LARGE1: variants seen among roughly 807,000 people sequenced by gnomAD.
LARGE1 encodes the protein LARGE xylosyl- and glucuronyltransferase 1.
A neutral mutation model predicts 87.6 loss-of-function variants in LARGE1; 43 were observed. The observed-to-expected ratio is 0.49, with a 90% CI of 0.38 to 0.63. The LOEUF (loss-of-function observed/expected upper bound fraction) is 0.63, where lower values mean the gene tolerates loss of function less well. Ranked by LOEUF, LARGE1 falls within the 30% of genes least tolerant of loss-of-function variation. The pLI, the probability that LARGE1 is intolerant of heterozygous loss-of-function variation, is 0.00. For missense variants in LARGE1, 802 were observed against 1,000.2 expected (o/e 0.80, Z 2.67); for synonymous variants, 434 against 394.6 (o/e 1.10, Z -1.18).
At chr22:33,543,931 A>T (rs1255947100) in intron 6 of LARGE1, among the ~76,000 whole-genome samples, 3 of 152,188 alleles carry the variant, frequency 2.0e-5, no homozygotes, top group Non-Finnish European at 4.4e-5. Context: ...ACTGTGTCTA[A>T]ACTGTGCAAA....
intron 11 of LARGE1, among the ~76,000 whole-genome samples, chr22:33,219,123 T>C (rs75935088): frequency 0.023 from 3,431 of 152,284 alleles, 132 homozygotes; most frequent in African/African-American, 0.077. Flanking sequence ...GAAACAAATG[T>C]ATTGAGGCAC....
At chr22:33,729,939 A>G (rs2083400550) in intron 2 of LARGE1, among the ~76,000 whole-genome samples, 1 of 152,160 alleles carries the variant, frequency 6.6e-6, no homozygotes, top group South Asian at 2.1e-4. Flanking sequence ...TATGGAAATG[A>G]CAGAAGTCCC....
intron 2 of LARGE1, among the ~76,000 whole-genome samples, chr22:33,729,216 G>T (rs2083377766): frequency 6.6e-6 from 1 of 152,094 alleles, no homozygotes; most frequent in African/African-American, 2.4e-5. Flanking sequence ...TAAGCAAAAG[G>T]CAATATGCAA....
rs75835509 is a variant in LARGE1, at chr22:33,478,784, G to C, written c.788-46519C>G. Among the ~76,000 whole-genome samples, 729 of 152,202 alleles carry C rather than the reference G, an allele frequency of 4.8e-3. 10 individuals carry two copies. Among genetic ancestry groups the C allele is most frequent in the African/African-American group, 0.017 (697 of 41,530 alleles). ...AAGCATTTCTTTCTTTCTTCTCTTA[G>C]TTCCACTGTGTTCCCGTAGCAGGGA... On this transcript the variant is annotated intron_variant, in intron 6 of 14. Coordinates refer to ENST00000397394, the MANE Select transcript of LARGE1 (RefSeq NM_133642.5).
At chr22:33,151,407 T>C in the LARGE1 span, among the ~76,000 whole-genome samples, 1 of 152,222 alleles carries the variant, frequency 6.6e-6, no homozygotes, top group African/African-American at 2.4e-5. Flanking sequence ...AGGAACAATT[T>C]TATTTCGTTT....
At chr22:33,486,587 G>A (rs979714903) in intron 6 of LARGE1, among the ~76,000 whole-genome samples, 1 of 152,100 alleles carries the variant, frequency 6.6e-6, no homozygotes, top group Non-Finnish European at 1.5e-5. Context: ...ATCCATTGGG[G>A]AAATTAACTG....
At chr22:33,283,425 G>A (rs1930867514) in intron 12 of LARGE1, 77 bp from the exon 13 acceptor site, 31 of 1,526,458 alleles carry the variant, frequency 2.0e-5, no homozygotes, top group Non-Finnish European at 2.8e-5. Flanking sequence ...AGGGCGGGGT[G>A]GTCATTGGCC....
At chr22:33,803,493 T>C (rs2086224471) in intron 1 of LARGE1, among the ~76,000 whole-genome samples, 1 of 152,120 alleles carries the variant, frequency 6.6e-6, no homozygotes, top group Admixed American at 6.5e-5. Flanking sequence ...CAACCAAAAA[T>C]GCAGAGGAGG....
chr22:33,880,020 T>A (rs2064625396), intron 1 of LARGE1, among the ~76,000 whole-genome samples: 1 of 152,238 alleles, frequency 6.6e-6, no homozygotes, highest in South Asian at 2.1e-4. Context: ...TCCACCAATC[T>A]GCTTGCATGG....
At chr22:33,210,389 A>ATGG (rs1241870551) in intron 11 of LARGE1, among the ~76,000 whole-genome samples, 3 of 152,194 alleles carry the variant, frequency 2.0e-5, no homozygotes, top group African/African-American at 7.2e-5. Context: ...TGGCAAGAGA[A>ATGG]CGACACCGGC....
rs2283959 is a variant in LARGE1, at chr22:33,895,477, G to T, written c.-83+24518C>A. On this transcript the variant is annotated intron_variant, in intron 1 of 14. Transcript: ENST00000397394. ...TGGGCATGGCTTAGCTGTGTCTATG[G>T]TTCATGAATCTCATAAGGCTACACA... Among the ~76,000 whole-genome samples the T allele has an allele frequency of 8.5e-3, 1,294 of 152,130 alleles. 34 individuals carry two copies. Among genetic ancestry groups the T allele is most frequent in the African/African-American group, 0.03 (1,234 of 41,520 alleles).
chr22:33,341,066 C>A (rs1329549037), intron 9 of LARGE1, among the ~76,000 whole-genome samples: 5 of 152,068 alleles, frequency 3.3e-5, no homozygotes, highest in Non-Finnish European at 7.4e-5. Context: ...CATTCCCCCA[C>A]AAAATTCACA....
chr22:33,273,640 C>G lies in LARGE1; in HGVS notation c.*787G>C. The G allele has an allele frequency of 2.5e-6, 1 of 398,886 alleles. No individual in the cohort carries two copies. The highest frequency in any genetic ancestry group is 4.4e-6 in the Non-Finnish European group (1 of 226,344). The allele number at this position is 398,886 out of a possible 1,614,324, so 24.7% of individuals were successfully genotyped here. A position where few individuals can be genotyped will look rare whatever the true frequency, so the allele number is the denominator to read the frequency against. On this transcript the variant is annotated 3_prime_UTR_variant, in exon 15 of 15. Transcript: ENST00000397394. Reference sequence around the variant, plus strand: ...AGTCACGGGAGCCTCGGTGATCATCCTGAAGGAAGCTGCCCATGTTTAAAT... The same window carrying G: ...AGTCACGGGAGCCTCGGTGATCATCGTGAAGGAAGCTGCCCATGTTTAAAT...
chr22:33,482,249 T>C (rs984602529), intron 6 of LARGE1, among the ~76,000 whole-genome samples: 1 of 152,186 alleles, frequency 6.6e-6, no homozygotes, highest in African/African-American at 2.4e-5. Context: ...TCTATCCCTC[T>C]TGCAATGGGT....
chr22:33,289,662 G>C (rs982871964), intron 12 of LARGE1, among the ~76,000 whole-genome samples: 70 of 152,062 alleles, frequency 4.6e-4, no homozygotes, highest in African/African-American at 1.6e-3. Flanking sequence ...TACAGAAACA[G>C]AACTTATGAG....
chr22:33,106,397 C>G, the LARGE1 span, among the ~76,000 whole-genome samples: 52 of 152,296 alleles, frequency 3.4e-4, no homozygotes, highest in African/African-American at 1.3e-3. Flanking sequence ...GAATGAGGAA[C>G]GGTTCACAAG....
intron 6 of LARGE1, among the ~76,000 whole-genome samples, chr22:33,562,492 C>G (rs932855267): frequency 4.6e-5 from 7 of 152,230 alleles, no homozygotes; most frequent in Non-Finnish European, 1.0e-4. Flanking sequence ...AAAGAATGAA[C>G]AAATAAAATG....
chr22:33,730,973 G>A (rs1223193810), intron 2 of LARGE1, among the ~76,000 whole-genome samples: 2 of 150,320 alleles, frequency 1.3e-5, no homozygotes, highest in African/African-American at 2.5e-5. Flanking sequence ...GGGATTACAG[G>A]CGTGAACCAC....
At chr22:33,566,743 T>A (rs977318369) in intron 5 of LARGE1, among the ~76,000 whole-genome samples, 1 of 152,222 alleles carries the variant, frequency 6.6e-6, no homozygotes, top group African/African-American at 2.4e-5. Context: ...ATTGGTCATT[T>A]TACAGAGTGC....
Sources: gnomAD v4.1 joint callset for allele counts (sites outside exome capture counted in the v4.1 genomes callset) on GRCh38, gnomAD v4.1.1 for gene constraint, MANE v1.5 for transcripts, NCBI Gene and HGNC (gene_info 2026-07-23, HGNC 2026-07-21) for gene names.